Variants in PAPPA observed in about 807,000 individuals in gnomAD.
PAPPA encodes the protein pappalysin 1.
A neutral mutation model predicts 164.0 loss-of-function variants in PAPPA; 60 were observed. The observed-to-expected ratio is 0.37, with a 90% CI of 0.30 to 0.45. The LOEUF (loss-of-function observed/expected upper bound fraction) is 0.45. Among genes scored for constraint, PAPPA ranks in the 20% least tolerant of loss-of-function variants. PAPPA has a pLI of 1.00. For synonymous variants in PAPPA, 875 were observed against 814.1 expected (o/e 1.07, Z -1.27); for missense variants, 1,782 against 2,087.3 (o/e 0.85, Z 2.85).
intron 9 of PAPPA, among the ~76,000 whole-genome samples, chr9:116,299,673 T>A (rs564484674): frequency 4.6e-5 from 7 of 152,286 alleles, no homozygotes; most frequent in Non-Finnish European, 8.8e-5. Flanking sequence ...CTGTGGCATG[T>A]AGGGAGAAGA....
chr9:116,327,723 G>C (rs999014074), intron 10 of PAPPA, among the ~76,000 whole-genome samples: 1 of 152,142 alleles, frequency 6.6e-6, no homozygotes, highest in Non-Finnish European at 1.5e-5. Flanking sequence ...CTGAAGCCTG[G>C]CATGCCATAT....
At position 116,399,065 on chromosome 9, in the gene PAPPA, A is replaced by G. The variant is rs1412716590; in HGVS notation, c.*2449A>G. ...GCTCTGAAGACCCAAAGATGACATT[A>G]CTAATGATGTGATTTCAGGAGCCAC... is the stretch of plus-strand genomic sequence containing the variant. On this transcript the variant is annotated 3_prime_UTR_variant, in exon 22 of 22. Transcript: ENST00000328252. 1 of 172,280 alleles carries G rather than the reference A, an allele frequency of 5.8e-6. No homozygotes were observed. The highest frequency in any genetic ancestry group is 2.4e-5 in the African/African-American group (1 of 41,668). The allele number at this position is 172,280 out of a possible 1,614,324, so 10.7% of individuals were successfully genotyped here. A position where few individuals can be genotyped will look rare whatever the true frequency, so the allele number is the denominator to read the frequency against.
intron 1 of PAPPA, among the ~76,000 whole-genome samples, chr9:116,161,378 G>C (rs559047531): frequency 2.0e-5 from 3 of 152,252 alleles, no homozygotes; most frequent in African/African-American, 7.2e-5. Flanking sequence ...CTTTCAAACT[G>C]TCAGGGGTAA....
At chr9:116,336,721 A>G (rs2118960235) in intron 13 of PAPPA, among the ~76,000 whole-genome samples, 1 of 152,346 alleles carries the variant, frequency 6.6e-6, no homozygotes, top group Middle Eastern at 3.4e-3. Context: ...ACATTGAATG[A>G]GGGCAAAATG....
At chr9:116,297,108 A>G (rs976856168) in intron 9 of PAPPA, among the ~76,000 whole-genome samples, 13 of 151,886 alleles carry the variant, frequency 8.6e-5, no homozygotes, top group African/African-American at 3.1e-4. Flanking sequence ...GCCTGCCTCA[A>G]CCTCCCAAAG....
rs1227558732 is a variant in PAPPA, at chr9:116,235,318, A to G, written c.2413A>G (p.Thr805Ala). 6.2e-7 allele frequency: 1 copy of G among 1,613,974 alleles called. No individual in the cohort carries two copies. The highest frequency in any genetic ancestry group is 8.5e-7 in the Non-Finnish European group (1 of 1,179,978). ...GACCATTTGGGTGACCTTTGTCTCC[A>G]CTGACTGGGACTCTAGTGGAGCTGT... ...SLTIWVTFVS[T>A]DWDSSGAVND... is the part of the protein sequence containing the mutation. The change falls in exon 7 of 22, where the codon ACT becomes GCT. Residue 805 changes from threonine to alanine, a missense_variant. Around this residue, in one of 2 missense-constraint regions of PAPPA, gnomAD observed 1,324 missense variants for 1,656.9 expected, o/e 0.80. Coordinates refer to ENST00000328252, the MANE Select transcript of PAPPA (RefSeq NM_002581.5).
chr9:116,275,223 C>T (rs1845182299), intron 9 of PAPPA, among the ~76,000 whole-genome samples: 1 of 152,148 alleles, frequency 6.6e-6, no homozygotes, highest in Non-Finnish European at 1.5e-5. Context: ...AAAATTATTG[C>T]CATAAGATAA....
At chr9:116,215,794 T>C (rs1394767767) in intron 4 of PAPPA, among the ~76,000 whole-genome samples, 1 of 152,202 alleles carries the variant, frequency 6.6e-6, no homozygotes, top group African/African-American at 2.4e-5. Context: ...GGTATCATAA[T>C]TAGTGCTCAG....
chr9:116,260,992 G>T (rs1431582082), intron 7 of PAPPA, among the ~76,000 whole-genome samples: 1 of 152,134 alleles, frequency 6.6e-6, no homozygotes, highest in Non-Finnish European at 1.5e-5. Context: ...GGAAAGCACT[G>T]TCTTGGAATG....
chr9:116,258,213 A>G (rs528427957), intron 7 of PAPPA, among the ~76,000 whole-genome samples: 4 of 152,210 alleles, frequency 2.6e-5, no homozygotes, highest in African/African-American at 9.6e-5. Context: ...GGCATTTGTA[A>G]GGAGAAAGCT....
intron 10 of PAPPA, among the ~76,000 whole-genome samples, chr9:116,327,325 C>G (rs976446759): frequency 6.6e-6 from 1 of 152,106 alleles, no homozygotes; most frequent in Non-Finnish European, 1.5e-5. Context: ...AACAGTATGG[C>G]TCTGCACGGG....
chr9:116,207,514 C>G lies in PAPPA; in HGVS notation c.1537C>G (p.Leu513Val), dbSNP rs1844251660. Residue 513 changes from leucine (L) to valine (V), a missense_variant, in exon 3 of 22, where the codon CTC (leucine) becomes GTC (valine). Coordinates refer to ENST00000328252, the MANE Select transcript of PAPPA (RefSeq NM_002581.5). ...NILKLDGSTH[L>V]NIFFAKSSEE... ...TCTTAAATTGGATGGATCAACACAT[C>G]TCAATATTTTCTTTGCAAAATCCTC... 1 of 1,613,022 alleles carries G rather than the reference C, an allele frequency of 6.2e-7. No homozygotes were observed. The highest frequency in any genetic ancestry group is 1.3e-5 in the African/African-American group (1 of 74,878).
At chr9:116,219,724 TC>T (rs1375991137) in intron 4 of PAPPA, among the ~76,000 whole-genome samples, 1 of 152,086 alleles carries the variant, frequency 6.6e-6, no homozygotes, top group African/African-American at 2.4e-5. Flanking sequence ...CACCCTTCCC[TC>T]CCTCCTGTTT....
chr9:116,380,398 T>G (rs552551719), intron 20 of PAPPA, among the ~76,000 whole-genome samples: 56 of 152,114 alleles, frequency 3.7e-4, no homozygotes, highest in Non-Finnish European at 7.1e-4. Context: ...GACTGGAGAA[T>G]TTTTTCAGGG....
At chr9:116,164,220 C>T (rs1321628047) in intron 1 of PAPPA, among the ~76,000 whole-genome samples, 3 of 152,188 alleles carry the variant, frequency 2.0e-5, no homozygotes, top group Non-Finnish European at 4.4e-5. Flanking sequence ...TATTTTCCTT[C>T]AGAGGATCCC....
At chr9:116,212,582 C>G (rs1844321979) in intron 4 of PAPPA, among the ~76,000 whole-genome samples, 1 of 152,168 alleles carries the variant, frequency 6.6e-6, no homozygotes, top group Admixed American at 6.5e-5. Context: ...GCATCAAATT[C>G]TGTTACCATA....
Position 116,344,543 on chromosome 9 carries a change from C to A in PAPPA, c.3612C>A (p.Ser1204Arg). 1 of 1,610,658 alleles carries A rather than the reference C, an allele frequency of 6.2e-7. No individual in the cohort carries two copies. The highest frequency in any genetic ancestry group is 1.3e-5 in the African/African-American group (1 of 74,994). The change falls in exon 14 of 22, where the codon AGC becomes AGA. Residue 1204 changes from serine to arginine, a missense_variant and splice_region_variant. This residue lies in a region of PAPPA where 1,324 missense variants were observed against 1,656.9 expected (regional missense o/e 0.80). Transcript: ENST00000328252. ...TTCCCCTCGTTTCTTTCCTCCCCAG[C>A]TGCGTGCACTTCGCATGTGAGAAAA... Reference protein sequence around the residue: ...RGETYSPAEQSCVHFACEKTD... With the variant: ...RGETYSPAEQRCVHFACEKTD...
chr9:116,279,444 C>G (rs191328355), intron 9 of PAPPA, among the ~76,000 whole-genome samples: 35 of 152,152 alleles, frequency 2.3e-4, no homozygotes, highest in African/African-American at 8.0e-4. Context: ...CTTTGGAAAC[C>G]CGGGAGGCCT....
chr9:116,267,881 C>CA (rs61670954), intron 8 of PAPPA, among the ~76,000 whole-genome samples: 644 of 57,542 alleles, frequency 0.011, 57 homozygotes, highest in Middle Eastern at 0.036. Context: ...GACTCCGTCT[C>CA]AAAAAAAAAA....
Sources: allele counts gnomAD v4.1 joint callset (sites outside exome capture counted in the v4.1 genomes callset), GRCh38; gene constraint gnomAD v4.1.1; regional missense constraint gnomAD v4.1.1; transcripts MANE v1.5; gene names NCBI Gene and HGNC (gene_info 2026-07-23, HGNC 2026-07-21).